The following CEP104 variants were observed in gnomAD, a reference collection of about 807,000 sequenced individuals.
CEP104 encodes the protein centrosomal protein of 104 kDa.
A neutral mutation model predicts 113.3 loss-of-function variants in CEP104; 84 were observed. The ratio of observed to expected loss-of-function variants is 0.74; its 90% CI spans 0.62 to 0.89. The LOEUF is 0.89. Among genes scored for constraint, CEP104 ranks in the 40% least tolerant of loss-of-function variants. The pLI is 0.00. For synonymous variants in CEP104, 378 were observed against 421.7 expected (o/e 0.90, Z 1.27); for missense variants, 1,053 against 1,156.6 (o/e 0.91, Z 1.30).
At chr1:3,852,156 G>A (rs1644623042) in intron 2 of CEP104, 139 bp downstream of exon 2, 2 of 721,354 alleles carry the variant, frequency 2.8e-6, no homozygotes, top group Non-Finnish European at 4.3e-6. Flanking sequence ...AGAGATGCCT[G>A]ACACTGCATG....
At position 3,815,430 on chromosome 1, in the gene CEP104, C is replaced by T; in HGVS notation, c.2750G>A (p.Ser917Asn). The T allele has an allele frequency of 1.2e-6, 2 of 1,613,114 alleles. No individual in the cohort carries two copies. Among genetic ancestry groups the T allele is most frequent in the South Asian group, 2.2e-5 (2 of 90,912 alleles). Residue 917 changes from serine (S) to asparagine (N), a missense_variant, in exon 22 of 22, where the codon AGC becomes AAC. By Grantham distance (46) the Ser-to-Asn change is conservative. Coordinates refer to ENST00000378230, the MANE Select transcript of CEP104 (RefSeq NM_014704.4). ...IPTPKGGLSK[S>N]SSRTYAKR ...GCGCTTGGCGTACGTCCTGCTGGAG[C>T]TCTTGCTCAGTCCGCCCTTCGGGGT...
In CEP104 at chr1:3,836,468, GTTTTTTTTTTTTT is replaced by G. The variant is rs36051675; in HGVS notation, c.1317+14_1317+26del. 3.0e-6 allele frequency: 3 copies of G among 1,010,608 alleles called. No homozygotes were observed. In the East Asian group the frequency reaches 1.0e-4, roughly 34 times the overall value. The allele number at this position is 1,010,608 out of a possible 1,614,324, so 62.6% of individuals were successfully genotyped here. On this transcript the variant is annotated intron_variant, in intron 10 of 21. Transcript: ENST00000378230. ...AGACTAGCCTCCCCTCTGCCACCCC[GTTTTTTTTTTTTT>G]TTTTTTTTTTTACCAAGGTTTCTCC... is the stretch of plus-strand genomic sequence containing the variant.
intron 6 of CEP104, among the ~76,000 whole-genome samples, chr1:3,841,323 C>G (rs879694575): frequency 0.036 from 5,470 of 152,302 alleles, 360 homozygotes; most frequent in African/African-American, 0.12. Flanking sequence ...GGTCACGGTA[C>G]TTCGCTCACA....
In CEP104 at chr1:3,823,556, C is replaced by G. The variant is rs138340436; in HGVS notation, c.2371G>C (p.Glu791Gln). The change falls in exon 19 of 22, where the codon GAG (glutamate) becomes CAG (glutamine). Residue 791 changes from glutamate (E) to glutamine (Q), a missense_variant. Coordinates refer to ENST00000378230, the MANE Select transcript of CEP104 (RefSeq NM_014704.4). This position sits in a 1 kb window ranked among gnomAD's most constrained non-coding sequence, Gnocchi z 4.1. ...TRCDHCKQVV[E>Q]ISSLTEHLLT... ...AAGTGCTCCGTCAGACTGGATATCTCGACCACCTGGATTTCGAAATACAGA... is the reference window on the plus strand; with the variant it reads ...AAGTGCTCCGTCAGACTGGATATCTGGACCACCTGGATTTCGAAATACAGA... The G allele has an allele frequency of 6.2e-7, 1 of 1,614,228 alleles. No individual in the cohort carries two copies. The highest frequency in any genetic ancestry group is 1.1e-5 in the South Asian group (1 of 91,084).
intron 8 of CEP104, among the ~76,000 whole-genome samples, chr1:3,837,799 G>T (rs748616881): frequency 5.3e-5 from 8 of 152,236 alleles, no homozygotes; most frequent in Non-Finnish European, 1.0e-4. Context: ...ATGAGCATTT[G>T]TGCATGGAGC....
chr1:3,853,319 C>T (rs1441594285), intron 1 of CEP104, among the ~76,000 whole-genome samples: 3 of 152,072 alleles, frequency 2.0e-5, no homozygotes, highest in South Asian at 4.1e-4. Flanking sequence ...CCAATTTGCT[C>T]AGGGACTCTG....
intron 13 of CEP104, 151 bp downstream of exon 13, chr1:3,830,895 G>A: frequency 2.7e-6 from 2 of 740,526 alleles, no homozygotes; most frequent in Non-Finnish European, 4.2e-6. Flanking sequence ...CGCATGTGGG[G>A]GCCCCCATTT....
rs993005395 is a variant in CEP104, at chr1:3,848,932, G to A, written c.114-151C>T. 6.2e-5 allele frequency: 38 copies of A among 611,830 alleles called. No homozygotes were observed. In the Middle Eastern group the frequency reaches 2.1e-3, roughly 34 times the overall value. The allele number at this position is 611,830 out of a possible 1,614,324, so 37.9% of individuals were successfully genotyped here. On this transcript the variant is annotated intron_variant, in intron 2 of 21. Coordinates refer to ENST00000378230, the MANE Select transcript of CEP104 (RefSeq NM_014704.4). ...GTACTGATGGTACAAAGATGCCTGC[G>A]ACATGATTCCTGTTCTCTCGAGCTT...
chr1:3,820,542 C>T (rs1398889866), intron 20 of CEP104, among the ~76,000 whole-genome samples: 5 of 152,178 alleles, frequency 3.3e-5, no homozygotes, highest in African/African-American at 9.7e-5. Flanking sequence ...GGCAGGATGG[C>T]GGCCTCTGTC....
rs933438549 is a variant in CEP104 at position 3,819,650 on chromosome 1, C to G, written c.2572-3280G>C. Among the ~76,000 whole-genome samples, 1 of 152,140 alleles carries G rather than the reference C, an allele frequency of 6.6e-6. No homozygotes were observed. The highest frequency in any genetic ancestry group is 2.4e-5 in the African/African-American group (1 of 41,418). On this transcript the variant is annotated intron_variant, in intron 20 of 21. Coordinates refer to ENST00000378230, the MANE Select transcript of CEP104 (RefSeq NM_014704.4). This position sits in a 1 kb window ranked among gnomAD's most constrained non-coding sequence, Gnocchi z 4.6. ...AAGGGCAGGGGCCATTCAACTAGAA[C>G]AGAAAGGAAACACTGGACAAAGCCC... is the stretch of plus-strand genomic sequence containing the variant.
intron 17 of CEP104, among the ~76,000 whole-genome samples, chr1:3,826,107 G>A (rs1251182692): frequency 2.0e-5 from 3 of 152,164 alleles, no homozygotes; most frequent in Non-Finnish European, 4.4e-5. Flanking sequence ...CACCAAGGAG[G>A]TGCCTGAAAT....
intron 11 of CEP104, 54 bp downstream of exon 11, chr1:3,834,871 G>A (rs1332593558): frequency 9.4e-6 from 14 of 1,490,044 alleles, no homozygotes; most frequent in South Asian, 2.6e-5. Context: ...TCTGTGGTAC[G>A]GCGCATGATC....
chr1:3,819,229 T>C lies in CEP104; in HGVS notation c.2572-2859A>G, dbSNP rs1643925795. On this transcript the variant is annotated intron_variant, in intron 20 of 21. Coordinates refer to ENST00000378230, the MANE Select transcript of CEP104 (RefSeq NM_014704.4). This position sits in a 1 kb window ranked among gnomAD's most constrained non-coding sequence, Gnocchi z 4.6. ...AGTCAAAGACACAAAGGCCGCATAG[T>C]GTCTGATTCCATTTACAGGAAATGT... Among the ~76,000 whole-genome samples the C allele has an allele frequency of 6.6e-6, 1 of 152,186 alleles. No homozygotes were observed. Among genetic ancestry groups the C allele is most frequent in the African/African-American group, 2.4e-5 (1 of 41,446 alleles).
At position 3,823,167 on chromosome 1, in the gene CEP104, C is replaced by T. The variant is rs1644012975; in HGVS notation, c.2571+7G>A. 6.2e-7 allele frequency: 1 copy of T among 1,613,958 alleles called. No homozygotes were observed. Among genetic ancestry groups the T allele is most frequent in the African/African-American group, 1.3e-5 (1 of 75,038 alleles). ...CTTCACTGGTCCCTTCTCCCCAGGC[C>T]CCTCACCTCTTCTCCAGGGCTGAAG... is the stretch of plus-strand genomic sequence containing the variant. On this transcript the variant is annotated splice_region_variant and intron_variant, in intron 20 of 21. Transcript: ENST00000378230. The surrounding 1 kb of genome is among the most constrained non-coding windows in gnomAD (Gnocchi z 4.1).
At position 3,815,252 on chromosome 1, in the gene CEP104, G is replaced by A. The variant is rs1236516285; in HGVS notation, c.*150C>T. ...CCATATCGTTTGCACGAGAGCTGAC[G>A]GCACAGACGCGTAAGAGGCGTGCAC... On this transcript the variant is annotated 3_prime_UTR_variant, in exon 22 of 22. Coordinates refer to ENST00000378230, the MANE Select transcript of CEP104 (RefSeq NM_014704.4). 6 of 623,198 alleles carry A rather than the reference G, an allele frequency of 9.6e-6. No homozygotes were observed. The highest frequency in any genetic ancestry group is 2.7e-5 in the Admixed American group (1 of 36,624). The allele number at this position is 623,198 out of a possible 1,614,324, so 38.6% of individuals were successfully genotyped here. A position where few individuals can be genotyped will look rare whatever the true frequency, so the allele number is the denominator to read the frequency against.
chr1:3,821,505 G>A (rs1267744045), intron 20 of CEP104, among the ~76,000 whole-genome samples: 1 of 152,214 alleles, frequency 6.6e-6, no homozygotes, highest in African/African-American at 2.4e-5. Context: ...GAGTGGACGA[G>A]CTTCTGCTTA....
Position 3,852,410 on chromosome 1 carries a change from T to C in CEP104, c.-3A>G, listed in dbSNP as rs1007224487. ...ACAAATCCAATCTTGTGGGGCATTC[T>C]GCACGTTTGGGCTGTTTATAAGAGC... On this transcript the variant is annotated 5_prime_UTR_variant, in exon 2 of 22. Coordinates refer to ENST00000378230, the MANE Select transcript of CEP104 (RefSeq NM_014704.4). 1.2e-6 allele frequency: 2 copies of C among 1,613,434 alleles called. No individual in the cohort carries two copies. The highest frequency in any genetic ancestry group is 1.7e-6 in the Non-Finnish European group (2 of 1,179,702).
At chr1:3,827,928 G>A (rs912419037) in intron 15 of CEP104, among the ~76,000 whole-genome samples, 9 of 152,080 alleles carry the variant, frequency 5.9e-5, no homozygotes, top group African/African-American at 2.4e-5. Context: ...CGCCTGGCAC[G>A]GAGAGGCGCT....
chr1:3,843,785 G>A (rs1644457647), intron 6 of CEP104, among the ~76,000 whole-genome samples: 4 of 150,390 alleles, frequency 2.7e-5, no homozygotes, highest in African/African-American at 9.8e-5. Context: ...TTTTTGAGAT[G>A]GAGTCTTGCT....
Sources: allele counts gnomAD v4.1 joint callset (sites outside exome capture counted in the v4.1 genomes callset), GRCh38; gene constraint gnomAD v4.1.1; non-coding constraint Gnocchi (gnomAD v3.1); transcripts MANE v1.5; gene names NCBI Gene and HGNC (gene_info 2026-07-23, HGNC 2026-07-21).